The following MNS1 variants were observed in gnomAD, a reference collection of about 807,000 sequenced individuals.
MNS1 encodes the protein meiosis-specific nuclear structural protein 1.
Under a neutral mutation model 72.0 loss-of-function variants are expected in MNS1, and 63 were observed. The observed-to-expected ratio is 0.87, with a 90% CI of 0.71 to 1.08. MNS1 has a LOEUF of 1.08. MNS1 is among the 50% of genes least tolerant of loss of function. MNS1 has a pLI of 0.00. For synonymous variants in MNS1, 188 were observed against 172.1 expected, an observed-to-expected ratio of 1.09 and a Z score of -0.72; for missense variants, 604 against 562.4, an observed-to-expected ratio of 1.07 and a Z score of -0.75.
intron 2 of MNS1, among the ~76,000 whole-genome samples, chr15:56,457,710 G>A (rs548698205): frequency 3.3e-5 from 5 of 151,930 alleles, no homozygotes; most frequent in Middle Eastern, 3.4e-3. Flanking sequence ...GCTGTATCAG[G>A]AGGTTGAGGT....
chr15:56,443,667 C>G lies in MNS1; in HGVS notation c.874G>C (p.Glu292Gln). Residue 292 changes from glutamate (E) to glutamine (Q), a missense_variant, in exon 6 of 10, where the codon GAG becomes CAG. Transcript: ENST00000260453. ...TTCTGAAGCTGTAGCCTTTTCTCCT[C>G]ATTTTCTTGAACTTTTGCCATCCGA... ...EDRMAKVQEN[E>Q]EKRLQLQNAL... The G allele has an allele frequency of 6.2e-7, 1 of 1,613,246 alleles. No homozygotes were observed.
At chr15:56,449,621 G>GT (rs1302731300) in intron 3 of MNS1, among the ~76,000 whole-genome samples, 6 of 152,020 alleles carry the variant, frequency 3.9e-5, no homozygotes, top group African/African-American at 1.4e-4. Context: ...CTCTTTTTCT[G>GT]TTTTACAGAA....
chr15:56,449,624 T>G (rs2050934468), intron 3 of MNS1, among the ~76,000 whole-genome samples: 2 of 152,230 alleles, frequency 1.3e-5, no homozygotes, highest in South Asian at 4.1e-4. Context: ...TTTTTCTGTT[T>G]TACAGAACTA....
chr15:56,431,102 T>C (rs1273446108), intron 9 of MNS1, among the ~76,000 whole-genome samples: 1 of 152,154 alleles, frequency 6.6e-6, no homozygotes, highest in Non-Finnish European at 1.5e-5. Flanking sequence ...TGCAGTAAGC[T>C]GACATCTTGC....
In MNS1 at chr15:56,431,363, T is replaced by C. The variant is rs768636290; in HGVS notation, c.1395+10A>G. On this transcript the variant is annotated intron_variant, in intron 9 of 9. Transcript: ENST00000260453. Reference sequence around the variant, plus strand: ...CATGAAGATTACAACTTGAGATAAATCTCACTTACTTTAGGGAGATAGCCT... The same window carrying C: ...CATGAAGATTACAACTTGAGATAAACCTCACTTACTTTAGGGAGATAGCCT... The C allele has an allele frequency of 6.2e-7, 1 of 1,609,004 alleles. No homozygotes were observed. Among genetic ancestry groups the C allele is most frequent in the Non-Finnish European group, 8.5e-7 (1 of 1,178,316 alleles).
intron 8 of MNS1, among the ~76,000 whole-genome samples, chr15:56,432,444 C>CA (rs2050620778): frequency 6.6e-6 from 1 of 151,968 alleles, no homozygotes; most frequent in Non-Finnish European, 1.5e-5. Flanking sequence ...CTCTGAAATC[C>CA]AAAAAACATG....
At chr15:56,442,771 A>ACTACCTAT (rs1197270863) in intron 7 of MNS1, among the ~76,000 whole-genome samples, 2 of 152,126 alleles carry the variant, frequency 1.3e-5, no homozygotes, top group Non-Finnish European at 2.9e-5. Context: ...GGATCAATAA[A>ACTACCTAT]CTACCTATCG....
chr15:56,430,350 G>T (rs541123329), intron 9 of MNS1, among the ~76,000 whole-genome samples: 26 of 152,180 alleles, frequency 1.7e-4, no homozygotes, highest in Non-Finnish European at 3.7e-4. Context: ...GGGACTACAG[G>T]CGTGCATCAC....
At chr15:56,458,935 A>G (rs113479382) in intron 2 of MNS1, among the ~76,000 whole-genome samples, 176 of 152,326 alleles carry the variant, frequency 1.2e-3, no homozygotes, top group African/African-American at 3.9e-3. Flanking sequence ...TATGGCAGCT[A>G]TAAAGCTGCC....
intron 8 of MNS1, among the ~76,000 whole-genome samples, chr15:56,433,605 A>G (rs756194181): frequency 1.8e-4 from 28 of 152,068 alleles, no homozygotes; most frequent in Admixed American, 3.3e-4. Flanking sequence ...GATTATTATA[A>G]TAACTTACTT....
Position 56,446,938 on chromosome 15 carries a change from T to C in MNS1, c.359A>G (p.Glu120Gly). ...TAATTTCTTCTCCAATTCTCTAAGCTCAATGCTGTTTAAAAAAACAAAAAC... is the reference window on the plus strand; with the variant it reads ...TAATTTCTTCTCCAATTCTCTAAGCCCAATGCTGTTTAAAAAAACAAAAAC... ...MRQQVRENSI[E>G]LRELEKKLKA... is the part of the protein sequence containing the mutation. The change falls in exon 4 of 10, where the codon GAG (glutamate) becomes GGG (glycine). Residue 120 changes from glutamate (E) to glycine (G), a missense_variant. Coordinates refer to ENST00000260453, the MANE Select transcript of MNS1 (RefSeq NM_018365.4). 1.2e-6 allele frequency: 2 copies of C among 1,605,540 alleles called. No individual in the cohort carries two copies. The highest frequency in any genetic ancestry group is 2.2e-5 in the South Asian group (2 of 90,788).
intron 3 of MNS1, among the ~76,000 whole-genome samples, chr15:56,454,406 C>CTATAT (rs1373169524): frequency 6.6e-6 from 1 of 152,066 alleles, no homozygotes; most frequent in Non-Finnish European, 1.5e-5. Flanking sequence ...TTATTATTGA[C>CTATAT]TATAGTCACC....
At chr15:56,457,658 C>G (rs1458291449) in intron 2 of MNS1, among the ~76,000 whole-genome samples, 1 of 151,980 alleles carries the variant, frequency 6.6e-6, no homozygotes, top group Non-Finnish European at 1.5e-5. Context: ...GCTGTCCTTA[C>G]AGAAAATTAG....
At chr15:56,454,959 G>T (rs2050971324) in intron 3 of MNS1, among the ~76,000 whole-genome samples, 1 of 152,012 alleles carries the variant, frequency 6.6e-6, no homozygotes, top group Non-Finnish European at 1.5e-5. Context: ...CTTGTAGAAC[G>T]CTGTTGAACA....
chr15:56,460,009 A>AAAAAAAT lies in MNS1; in HGVS notation c.226-3489_226-3488insATTTTTT. Reference sequence around the variant, plus strand: ...CTGTCTCAAAAAAAAAAAAAAAAAAAATACATATATATATATATATATATA... The same window carrying AAAAAAAT: ...CTGTCTCAAAAAAAAAAAAAAAAAAAAAAAAATATACATATATATATATATATATATA... On this transcript the variant is annotated intron_variant, in intron 2 of 9. Coordinates refer to ENST00000260453, the MANE Select transcript of MNS1 (RefSeq NM_018365.4). Among the ~76,000 whole-genome samples, 44 of 26,382 alleles carry AAAAAAAT rather than the reference A, an allele frequency of 1.7e-3. 6 individuals carry two copies. Among genetic ancestry groups the AAAAAAAT allele is most frequent in the African/African-American group, 3.3e-3 (22 of 6,650 alleles). The allele number at this position is 26,382 out of a possible 152,430, so 17.3% of individuals were successfully genotyped here.
At chr15:56,448,590 A>G (rs2050924780) in intron 3 of MNS1, among the ~76,000 whole-genome samples, 1 of 152,118 alleles carries the variant, frequency 6.6e-6, no homozygotes, top group African/African-American at 2.4e-5. Flanking sequence ...TCTGTAGAGT[A>G]TTCCGTGGTA....
chr15:56,443,287 TTC>T (rs1190216450), intron 7 of MNS1, 141 bp downstream of exon 7: 2 of 524,256 alleles, frequency 3.8e-6, no homozygotes, highest in African/African-American at 4.0e-5. Flanking sequence ...GCTTGAAAAT[TTC>T]TGTCTTTTAA....
chr15:56,458,896 A>G (rs1451067138), intron 2 of MNS1, among the ~76,000 whole-genome samples: 1 of 152,212 alleles, frequency 6.6e-6, no homozygotes, highest in Non-Finnish European at 1.5e-5. Context: ...TTTATAAATA[A>G]TGCTGCTATA....
rs775198247 is a variant in MNS1 at position 56,443,704 on chromosome 15, T to G, written c.837A>C (p.Gln279His). Residue 279 changes from glutamine to histidine, a missense_variant, in exon 6 of 10, where the codon CAA becomes CAC. Transcript: ENST00000260453. Reference sequence around the variant, plus strand: ...CTTTTGCCATCCGATCTTCTTCTCTTTGCTGCTGCATGTTAGCAAACTCTA... The same window carrying G: ...CTTTTGCCATCCGATCTTCTTCTCTGTGCTGCTGCATGTTAGCAAACTCTA... ...KIIEFANMQQ[Q>H]REEDRMAKVQ... The G allele has an allele frequency of 1.7e-5, 28 of 1,613,442 alleles. No individual in the cohort carries two copies. The highest frequency in any genetic ancestry group is 1.5e-5 in the Non-Finnish European group (18 of 1,179,788).
Sources: allele counts gnomAD v4.1 joint callset (sites outside exome capture counted in the v4.1 genomes callset), GRCh38; gene constraint gnomAD v4.1.1; transcripts MANE v1.5; gene names NCBI Gene and HGNC (gene_info 2026-07-23, HGNC 2026-07-21).